Variants in PTPRK observed in about 807,000 individuals in gnomAD.
The protein encoded by PTPRK is receptor-type tyrosine-protein phosphatase kappa.
PTPRK carries 75 observed loss-of-function variants against 178.0 expected under a neutral mutation model. The observed-to-expected ratio is 0.42, with a 90% CI of 0.35 to 0.51. PTPRK has a LOEUF of 0.51. Among genes scored for constraint, PTPRK ranks in the 20% least tolerant of loss-of-function variants. The pLI is 0.02. For missense variants in PTPRK, 1,441 were observed against 1,797.8 expected, an observed-to-expected ratio of 0.80 and a Z score of 3.59; for synonymous variants, 637 against 620.6, an observed-to-expected ratio of 1.03 and a Z score of -0.39.
At chr6:128,431,225 A>T (rs1046184173) in intron 1 of PTPRK, among the ~76,000 whole-genome samples, 1 of 152,120 alleles carries the variant, frequency 6.6e-6, no homozygotes, top group Non-Finnish European at 1.5e-5. Flanking sequence ...AGCATGAGCC[A>T]TCGTGCTCGG....
chr6:128,395,021 T>C (rs1464376803), intron 2 of PTPRK, among the ~76,000 whole-genome samples: 1 of 152,174 alleles, frequency 6.6e-6, no homozygotes, highest in Non-Finnish European at 1.5e-5. Flanking sequence ...TGTTTGTGTT[T>C]TTAAAGTACA....
At chr6:128,115,012 C>T (rs916998122) in intron 7 of PTPRK, among the ~76,000 whole-genome samples, 5 of 152,104 alleles carry the variant, frequency 3.3e-5, no homozygotes, top group Admixed American at 2.0e-4. Context: ...ACACAGTCCC[C>T]CAGGGTGATA....
intron 3 of PTPRK, among the ~76,000 whole-genome samples, chr6:128,308,007 AC>A (rs1365360041): frequency 6.6e-6 from 1 of 152,142 alleles, no homozygotes; most frequent in Non-Finnish European, 1.5e-5. Context: ...CCACTAGAAA[AC>A]CAGAAAACAA....
intron 2 of PTPRK, among the ~76,000 whole-genome samples, chr6:128,363,189 ATGGTATAATGTCACTTG>A (rs1171417877): frequency 6.6e-6 from 1 of 152,128 alleles, no homozygotes; most frequent in African/African-American, 2.4e-5. Context: ...TTGCAGTTAG[ATGGTATAATGTCACTTG>A]TGACTAATGA....
At chr6:128,272,756 T>C (rs547791632) in intron 3 of PTPRK, among the ~76,000 whole-genome samples, 1 of 152,318 alleles carries the variant, frequency 6.6e-6, no homozygotes, top group South Asian at 2.1e-4. Flanking sequence ...TTTACACTGT[T>C]GGTGGGACTG....
chr6:128,000,006 T>C, intron 15 of PTPRK: 1 of 941,504 alleles, frequency 1.1e-6, no homozygotes, highest in Non-Finnish European at 1.3e-6. Context: ...GAATAAACAG[T>C]ACTTTAATGA....
Position 128,455,653 on chromosome 6 carries a change from CTT to C in PTPRK, c.101-57967_101-57966del, listed in dbSNP as rs997030988. On this transcript the variant is annotated intron_variant, in intron 1 of 29. Transcript: ENST00000368226. Reference sequence around the variant, plus strand: ...CCCATTTCTCTACCTCTCCTTCCCTCTTGTTTTAATAGGGATACCAAAGGTCA... The same window carrying C: ...CCCATTTCTCTACCTCTCCTTCCCTCGTTTTAATAGGGATACCAAAGGTCA... Among the ~76,000 whole-genome samples the C allele has an allele frequency of 5.3e-5, 8 of 152,090 alleles. No homozygotes were observed. In the South Asian group the frequency reaches 6.2e-4, roughly 12 times the overall value.
chr6:127,990,522 G>A (rs996688319), intron 21 of PTPRK, among the ~76,000 whole-genome samples: 3 of 151,980 alleles, frequency 2.0e-5, no homozygotes, highest in Non-Finnish European at 4.4e-5. Context: ...TGATATATTA[G>A]TTGATTTATT....
At position 128,054,798 on chromosome 6, in the gene PTPRK, C is replaced by T. The variant is rs960194416; in HGVS notation, c.2194+9960G>A. Among the ~76,000 whole-genome samples, 5 of 152,302 alleles carry T rather than the reference C, an allele frequency of 3.3e-5. No homozygotes were observed. In the East Asian group the frequency reaches 9.6e-4, roughly 29 times the overall value. ...TATCCCTACCCTCAGAGAGCCTTGACCATGGAGAACACTTAGCACAGAGAA... is the reference window on the plus strand; with the variant it reads ...TATCCCTACCCTCAGAGAGCCTTGATCATGGAGAACACTTAGCACAGAGAA... On this transcript the variant is annotated intron_variant, in intron 13 of 29. Transcript: ENST00000368226.
At chr6:128,014,302 A>G (rs1378835680) in intron 13 of PTPRK, among the ~76,000 whole-genome samples, 1 of 151,612 alleles carries the variant, frequency 6.6e-6, no homozygotes, top group African/African-American at 2.4e-5. Flanking sequence ...GTCACCACCT[A>G]TCACCAAACC....
In PTPRK at chr6:128,335,702, C is replaced by T. The variant is rs758658755; in HGVS notation, c.224-13392G>A. On this transcript the variant is annotated intron_variant, in intron 2 of 29. Transcript: ENST00000368226. Reference sequence around the variant, plus strand: ...TATAAAAAAGTAAAAGCGAATGGTGCCATCTCCTCAAATTTTGAGACTGTT... The same window carrying T: ...TATAAAAAAGTAAAAGCGAATGGTGTCATCTCCTCAAATTTTGAGACTGTT... 9.2e-5 allele frequency among the ~76,000 whole-genome samples: 14 copies of T among 151,970 alleles called. No individual in the cohort carries two copies. The South Asian group carries it at 1.9e-3, about 20-fold the overall frequency.
chr6:128,288,731 T>A (rs185757006), intron 3 of PTPRK, among the ~76,000 whole-genome samples: 5 of 152,272 alleles, frequency 3.3e-5, no homozygotes, highest in African/African-American at 1.2e-4. Context: ...TTATTCATCC[T>A]CATATGCTTG....
At chr6:128,463,452 T>G (rs1212318002) in intron 1 of PTPRK, among the ~76,000 whole-genome samples, 1 of 152,160 alleles carries the variant, frequency 6.6e-6, no homozygotes, top group Non-Finnish European at 1.5e-5. Context: ...ATTCACCTCT[T>G]CAAACCACAA....
chr6:128,495,748 CG>C (rs1479277305), intron 1 of PTPRK, among the ~76,000 whole-genome samples: 1 of 152,148 alleles, frequency 6.6e-6, no homozygotes, highest in Non-Finnish European at 1.5e-5. Context: ...AAGTCGTCAT[CG>C]TTAGTTATAA....
At chr6:128,424,077 A>AT (rs568020284) in intron 1 of PTPRK, among the ~76,000 whole-genome samples, 152 of 151,442 alleles carry the variant, frequency 1.0e-3, no homozygotes, top group African/African-American at 3.5e-3. Context: ...AAAAAAAAAA[A>AT]AAAAAATTAG....
intron 21 of PTPRK, among the ~76,000 whole-genome samples, chr6:127,988,180 T>TGGGGAAGAGAGGAAGAG (rs71028112): frequency 0.34 from 50,206 of 147,940 alleles, 9,416 homozygotes; most frequent in East Asian, 0.41. Context: ...TGTGTGTGCA[T>TGGGGAAGAGAGGAAGAG]GGGGAAGAGA....
chr6:128,031,577 T>C (rs901818901), intron 13 of PTPRK, among the ~76,000 whole-genome samples: 15 of 152,320 alleles, frequency 9.8e-5, no homozygotes, highest in African/African-American at 3.6e-4. Flanking sequence ...TCTTTTGTTG[T>C]TATTGTTGGG....
chr6:128,342,185 G>A (rs1361358826), intron 2 of PTPRK, among the ~76,000 whole-genome samples: 1 of 150,530 alleles, frequency 6.6e-6, no homozygotes, highest in Non-Finnish European at 1.5e-5. Context: ...CCCGGGAGGC[G>A]GAGGTTGCAG....
intron 1 of PTPRK, among the ~76,000 whole-genome samples, chr6:128,421,341 G>A (rs1429335389): frequency 6.6e-6 from 1 of 152,256 alleles, no homozygotes; most frequent in Admixed American, 6.5e-5. Context: ...AAATAGGGCT[G>A]GTTGCCAAAA....
Sources: allele counts gnomAD v4.1 joint callset (sites outside exome capture counted in the v4.1 genomes callset), GRCh38; gene constraint gnomAD v4.1.1; transcripts MANE v1.5; gene names NCBI Gene and HGNC (gene_info 2026-07-23, HGNC 2026-07-21).